The following AQP7 variants were observed in gnomAD, a reference collection of about 807,000 sequenced individuals.
AQP7 encodes the protein aquaporin-7.
Under a neutral mutation model 26.1 loss-of-function variants are expected in AQP7, and 22 were observed. The observed-to-expected ratio is 0.84, with a 90% CI of 0.60 to 1.20. AQP7 has a LOEUF of 1.20. Among genes scored for constraint, AQP7 ranks in the 50% most tolerant of loss-of-function variants. The pLI, the probability that AQP7 is intolerant of heterozygous loss-of-function variation, is 0.00. For missense variants in AQP7, 412 were observed against 457.5 expected (o/e 0.90, Z 0.91); for synonymous variants, 167 against 181.7 (o/e 0.92, Z 0.65).
intron 2 of AQP7, among the ~76,000 whole-genome samples, chr9:33,398,512 C>G (rs945124918): frequency 6.6e-6 from 1 of 152,198 alleles, no homozygotes; most frequent in Non-Finnish European, 1.5e-5. Context: ...CGCCAATGGC[C>G]AAAAGAGCAC....
In AQP7 at chr9:33,385,665, C is replaced by T. The variant is rs1331348216; in HGVS notation, c.727G>A (p.Gly243Ser). Reference sequence around the variant, plus strand: ...GGGCAGTACCTGAAGACCTGTTTGCCCCAACCAGCAATGAAGGTGAAGATG... The same window carrying T: ...GGGCAGTACCTGAAGACCTGTTTGCTCCAACCAGCAATGAAGGTGAAGATG... ...PRIFTFIAGW[G>S]KQVFSNGENW... is the part of the protein sequence containing the mutation. Residue 243 changes from glycine to serine, a missense_variant, in exon 7 of 8, where the codon GGC (glycine) becomes AGC (serine). Transcript: ENST00000297988. 1.4e-5 allele frequency: 22 copies of T among 1,613,724 alleles called. No homozygotes were observed. Among genetic ancestry groups the T allele is most frequent in the Non-Finnish European group, 1.7e-5 (20 of 1,180,026 alleles).
intron 2 of AQP7, among the ~76,000 whole-genome samples, chr9:33,396,523 C>T (rs1411834565): frequency 2.0e-5 from 3 of 148,730 alleles, no homozygotes; most frequent in Non-Finnish European, 4.5e-5. Flanking sequence ...ATCTCACTGT[C>T]TGCATGCCCG....
chr9:33,399,166 CA>C (rs1401355603), intron 2 of AQP7, among the ~76,000 whole-genome samples: 1 of 151,820 alleles, frequency 6.6e-6, no homozygotes, highest in Non-Finnish European at 1.5e-5. Flanking sequence ...ACTAACCTAT[CA>C]AAAACCAACT....
At chr9:33,400,427 C>A (rs1217575276) in intron 2 of AQP7, among the ~76,000 whole-genome samples, 45 of 152,050 alleles carry the variant, frequency 3.0e-4, no homozygotes, top group Non-Finnish European at 1.5e-5. Context: ...TGCAGAAAGC[C>A]TCTCAGGTGG....
intron 3 of AQP7, among the ~76,000 whole-genome samples, chr9:33,388,812 C>T (rs150825866): frequency 1.3e-5 from 2 of 152,330 alleles, no homozygotes; most frequent in Non-Finnish European, 2.9e-5. Context: ...AACCAAACAA[C>T]TGTGCTGCTC....
chr9:33,391,176 C>A (rs530323217), intron 3 of AQP7, among the ~76,000 whole-genome samples: 58 of 152,328 alleles, frequency 3.8e-4, no homozygotes, highest in African/African-American at 1.3e-3. Context: ...GTCAGGGTTG[C>A]CAACTGGCAA....
Position 33,384,388 on chromosome 9 carries a change from A to G in AQP7, c.*617T>C, listed in dbSNP as rs1824556524. On this transcript the variant is annotated 3_prime_UTR_variant, in exon 8 of 8. Coordinates refer to ENST00000297988, the MANE Select transcript of AQP7 (RefSeq NM_001170.3). ...TGATTCTTAAAAGGGGAGGTGAAAA[A>G]AAAATCTTACTCTTTTTTATGTATA... is the stretch of plus-strand genomic sequence containing the variant. The G allele has an allele frequency of 6.6e-6, 1 of 152,238 alleles. No homozygotes were observed. Among genetic ancestry groups the G allele is most frequent in the African/African-American group, 2.4e-5 (1 of 41,454 alleles). 9.4% of individuals were successfully genotyped at this position (152,238 alleles called of 1,614,324 possible).
chr9:33,386,179 A>G lies in AQP7; in HGVS notation c.423T>C (p.Phe141=), dbSNP rs1824765528. Residue 141 remains phenylalanine, a synonymous_variant, in exon 6 of 8, where the codon TTT becomes TTC. Transcript: ENST00000297988. The part of the protein sequence containing the change: ...YSLFYTAILH[F]SGGQLMVTGP... ...CGGTCACCATCAGCTGTCCACCCGA[A>G]AAGTGGAGAATGGCCGCTGCGGAGA... 1 of 1,613,872 alleles carries G rather than the reference A, an allele frequency of 6.2e-7. No homozygotes were observed. The highest frequency in any genetic ancestry group is 1.1e-5 in the South Asian group (1 of 91,076).
In AQP7 at chr9:33,385,747, C is replaced by T; in HGVS notation, c.645G>A (p.Val215=). ...CATATCCTGTGTTCATGCCAAGGGA[C>T]ACCCCGATGATGACCACGAGGATGC... is the stretch of plus-strand genomic sequence containing the variant. The part of the protein sequence containing the change: ...VIGILVVIIG[V]SLGMNTGYAI... Residue 215 remains valine (V), a synonymous_variant, in exon 7 of 8, where the codon GTG becomes GTA. Coordinates refer to ENST00000297988, the MANE Select transcript of AQP7 (RefSeq NM_001170.3). 1 of 1,613,902 alleles carries T rather than the reference C, an allele frequency of 6.2e-7. No individual in the cohort carries two copies. Among genetic ancestry groups the T allele is most frequent in the Non-Finnish European group, 8.5e-7 (1 of 1,180,048 alleles).
At chr9:33,396,117 G>T (rs1037853255) in intron 2 of AQP7, among the ~76,000 whole-genome samples, 8 of 152,096 alleles carry the variant, frequency 5.3e-5, no homozygotes, top group African/African-American at 1.9e-4. Flanking sequence ...TTTGGGGAAG[G>T]TGGCGGGGTG....
At chr9:33,393,558 G>T (rs911836280) in intron 3 of AQP7, among the ~76,000 whole-genome samples, 2 of 152,196 alleles carry the variant, frequency 1.3e-5, no homozygotes, top group African/African-American at 2.4e-5. Context: ...CCCAGAGGCT[G>T]CCCCTTCTTT....
chr9:33,400,538 T>G (rs1440944796), intron 2 of AQP7, among the ~76,000 whole-genome samples: 2 of 152,010 alleles, frequency 1.3e-5, no homozygotes, highest in Admixed American at 1.3e-4. Flanking sequence ...TCCCAACCTT[T>G]TGGGAGGCCA....
chr9:33,388,499 C>G (rs1825080675), intron 3 of AQP7, among the ~76,000 whole-genome samples: 1 of 152,208 alleles, frequency 6.6e-6, no homozygotes, highest in South Asian at 2.1e-4. Context: ...ATTGAAGACC[C>G]TGCATAATTT....
At chr9:33,393,057 A>ATT (rs1825554473) in intron 3 of AQP7, among the ~76,000 whole-genome samples, 1 of 152,142 alleles carries the variant, frequency 6.6e-6, no homozygotes, top group Non-Finnish European at 1.5e-5. Flanking sequence ...GTGAAACCCC[A>ATT]TCTCTACTAA....
rs542693008 is a variant in AQP7 at position 33,396,306 on chromosome 9, C to T, written c.27-1111G>A. 1.7e-3 allele frequency among the ~76,000 whole-genome samples: 263 copies of T among 152,144 alleles called. 1 individual carries two copies. Among genetic ancestry groups the T allele is most frequent in the African/African-American group, 4.5e-3 (186 of 41,490 alleles). On this transcript the variant is annotated intron_variant, in intron 2 of 7. Coordinates refer to ENST00000297988, the MANE Select transcript of AQP7 (RefSeq NM_001170.3). Reference sequence around the variant, plus strand: ...ATACAAAATTAGCCAGGCATGATGGCGCATGCCTGTAATCCCAGCTACTTT... The same window carrying T: ...ATACAAAATTAGCCAGGCATGATGGTGCATGCCTGTAATCCCAGCTACTTT...
chr9:33,385,217 G>A lies in AQP7; in HGVS notation c.817C>T (p.Leu273=). The change falls in exon 8 of 8, where the codon CTG becomes TTG. Residue 273 remains leucine (L), a synonymous_variant. Coordinates refer to ENST00000297988, the MANE Select transcript of AQP7 (RefSeq NM_001170.3). ...LGAYLGGIIY[L]VFIGSTIPRE... ...GGGATGGTGGAGCCAATGAAGACCA[G>A]GTAGATGATGCCACCTAGATAGGCA... The A allele has an allele frequency of 1.2e-6, 2 of 1,611,926 alleles. No individual in the cohort carries two copies. Among genetic ancestry groups the A allele is most frequent in the Non-Finnish European group, 1.7e-6 (2 of 1,179,838 alleles).
chr9:33,390,544 G>A (rs1486585568), intron 3 of AQP7, among the ~76,000 whole-genome samples: 1 of 152,134 alleles, frequency 6.6e-6, no homozygotes, highest in Non-Finnish European at 1.5e-5. Flanking sequence ...GCCCAGATAT[G>A]GTGGGGGAGA....
At chr9:33,396,354 C>T (rs1201267447) in intron 2 of AQP7, among the ~76,000 whole-genome samples, 1 of 144,652 alleles carries the variant, frequency 6.9e-6, no homozygotes, top group Admixed American at 7.4e-5. Context: ...AGGAGAATCG[C>T]TTGAACATGG....
intron 3 of AQP7, among the ~76,000 whole-genome samples, chr9:33,389,809 G>T (rs1409489629): frequency 6.6e-6 from 1 of 152,042 alleles, no homozygotes; most frequent in Non-Finnish European, 1.5e-5. Context: ...GGCCGAGGTG[G>T]ATGGATCACT....
Sources: allele counts gnomAD v4.1 joint callset (sites outside exome capture counted in the v4.1 genomes callset), GRCh38; gene constraint gnomAD v4.1.1; transcripts MANE v1.5; gene names NCBI Gene and HGNC (gene_info 2026-07-23, HGNC 2026-07-21).